ARFGEF3: variants seen among roughly 807,000 people sequenced by gnomAD.
The protein encoded by ARFGEF3 is ARFGEF family member 3.
Under a neutral mutation model 221.7 loss-of-function variants are expected in ARFGEF3, and 96 were observed. The observed-to-expected ratio is 0.43, with a 90% CI of 0.37 to 0.51. The LOEUF is 0.51. Among genes scored for constraint, ARFGEF3 ranks in the 20% least tolerant of loss-of-function variants. ARFGEF3 has a pLI of 0.00. For synonymous variants in ARFGEF3, 1,145 were observed against 1,126.8 expected, an observed-to-expected ratio of 1.02 and a Z score of -0.32; for missense variants, 2,410 against 2,789.9, an observed-to-expected ratio of 0.86 and a Z score of 3.07.
Position 138,280,160 on chromosome 6 carries a change from G to GA in ARFGEF3, c.2458dup (p.Thr820AsnfsTer4). The GA allele has an allele frequency of 6.2e-7, 1 of 1,613,562 alleles. No homozygotes were observed. The highest frequency in any genetic ancestry group is 1.1e-5 in the South Asian group (1 of 90,982). ...ACAGCCTTCCCCTCATCACAATGCT[G>GA]ACCGGTCAGTGGTTCGTTGCAAGGC... On this transcript the variant is annotated frameshift_variant, in exon 14 of 34. Coordinates refer to ENST00000251691, the MANE Select transcript of ARFGEF3 (RefSeq NM_020340.5). LOFTEE classifies it high-confidence loss of function.
At chr6:138,294,785 T>A (rs1198940803) in intron 20 of ARFGEF3, among the ~76,000 whole-genome samples, 1 of 152,188 alleles carries the variant, frequency 6.6e-6, no homozygotes, top group African/African-American at 2.4e-5. Context: ...GCACAAGTGG[T>A]TGTCCTGAAA....
intron 12 of ARFGEF3, among the ~76,000 whole-genome samples, chr6:138,271,553 C>T (rs1469868244): frequency 6.6e-6 from 1 of 152,110 alleles, no homozygotes; most frequent in African/African-American, 2.4e-5. Flanking sequence ...GCACTATTAT[C>T]CTCATTTTAC....
At chr6:138,315,577 C>T (rs1779908493) in intron 26 of ARFGEF3, among the ~76,000 whole-genome samples, 1 of 152,100 alleles carries the variant, frequency 6.6e-6, no homozygotes. Flanking sequence ...TCAGGCCAGG[C>T]GCGGTGGCTC....
Position 138,343,786 on chromosome 6 carries a change from G to A in ARFGEF3, c.*7300G>A, listed in dbSNP as rs1780470138. On this transcript the variant is annotated 3_prime_UTR_variant, in exon 34 of 34. Coordinates refer to ENST00000251691, the MANE Select transcript of ARFGEF3 (RefSeq NM_020340.5). ...ACATTTCTTTCATCTGGTTCTTATT[G>A]GGAGTGCTTCTCTCTAATAAAAATT... 1 of 152,086 alleles carries A rather than the reference G, an allele frequency of 6.6e-6. No individual in the cohort carries two copies. Among genetic ancestry groups the A allele is most frequent in the Non-Finnish European group, 1.5e-5 (1 of 68,022 alleles). 9.4% of individuals were successfully genotyped at this position (152,086 alleles called of 1,614,324 possible). A position where few individuals can be genotyped will look rare whatever the true frequency, so the allele number is the denominator to read the frequency against.
At chr6:138,188,891 G>T (rs117423632) in intron 2 of ARFGEF3, among the ~76,000 whole-genome samples, 2,065 of 152,316 alleles carry the variant, frequency 0.014, 32 homozygotes, top group Middle Eastern at 0.058. Flanking sequence ...TCCTGCCCAA[G>T]GCCTATTTTT....
Position 138,303,860 on chromosome 6 carries a change from CAAAA to C in ARFGEF3, c.3829-3368_3829-3365del, listed in dbSNP as rs140349507. On this transcript the variant is annotated intron_variant, in intron 22 of 33. Coordinates refer to ENST00000251691, the MANE Select transcript of ARFGEF3 (RefSeq NM_020340.5). ...CTGGAGACAGAGTGAGACTCCGTCTCAAAAAAAAAAAAAAAAAAAAAAAAAAAAG... is the reference window on the plus strand; with the variant it reads ...CTGGAGACAGAGTGAGACTCCGTCTCAAAAAAAAAAAAAAAAAAAAAAAAG... 1.2e-3 allele frequency among the ~76,000 whole-genome samples: 25 copies of C among 20,614 alleles called. No individual in the cohort carries two copies. The East Asian group carries it at 0.029, about 24-fold the overall frequency. The allele number at this position is 20,614 out of a possible 152,430, so 13.5% of individuals were successfully genotyped here.
chr6:138,321,059 T>A, intron 28 of ARFGEF3, 52 bp from the exon 29 acceptor site: 1 of 1,021,782 alleles, frequency 9.8e-7, no homozygotes, highest in African/African-American at 1.6e-5. Context: ...CATTTCAATC[T>A]ACCCCTTTAC....
At chr6:138,325,439 G>A (rs1467864216) in intron 31 of ARFGEF3, among the ~76,000 whole-genome samples, 3 of 152,164 alleles carry the variant, frequency 2.0e-5, no homozygotes, top group South Asian at 4.1e-4. Context: ...TGACATCTGG[G>A]ACTTCATGAT....
At chr6:138,314,781 T>C (rs997239510) in intron 26 of ARFGEF3, among the ~76,000 whole-genome samples, 1 of 152,238 alleles carries the variant, frequency 6.6e-6, no homozygotes, top group Admixed American at 6.5e-5. Flanking sequence ...TTTACTGCAC[T>C]TGCCATGAAC....
chr6:138,272,274 G>A (rs1166072711), intron 12 of ARFGEF3, among the ~76,000 whole-genome samples: 2 of 152,158 alleles, frequency 1.3e-5, no homozygotes, highest in Non-Finnish European at 2.9e-5. Context: ...TCCTGCCTCA[G>A]CCTCCTGAGA....
At chr6:138,173,464 A>C (rs183832633) in intron 2 of ARFGEF3, among the ~76,000 whole-genome samples, 6,260 of 152,242 alleles carry the variant, frequency 0.041, 143 homozygotes, top group Middle Eastern at 0.086. Flanking sequence ...GATAAAAGGT[A>C]TGTGGTTCAG....
chr6:138,224,321 C>T (rs769761320), intron 4 of ARFGEF3, among the ~76,000 whole-genome samples: 1 of 152,174 alleles, frequency 6.6e-6, no homozygotes, highest in African/African-American at 2.4e-5. Flanking sequence ...CCATCCACAG[C>T]GAGGTCCTGC....
Position 138,243,968 on chromosome 6 carries a change from T to C in ARFGEF3, c.586+974T>C, listed in dbSNP as rs548643688. Among the ~76,000 whole-genome samples the C allele has an allele frequency of 1.5e-3, 230 of 152,264 alleles. 1 individual carries two copies. The highest frequency in any genetic ancestry group is 2.9e-3 in the Non-Finnish European group (196 of 68,026). On this transcript the variant is annotated intron_variant, in intron 7 of 33. Coordinates refer to ENST00000251691, the MANE Select transcript of ARFGEF3 (RefSeq NM_020340.5). ...TAAGATGTTCCATCTTCCTTTCCTC[T>C]TTTTGGCTATGGTGTTCTCATAAAG... is the stretch of plus-strand genomic sequence containing the variant.
At chr6:138,328,336 G>A (rs978201126) in intron 32 of ARFGEF3, among the ~76,000 whole-genome samples, 194 bp downstream of exon 32, 9 of 152,110 alleles carry the variant, frequency 5.9e-5, no homozygotes, top group Non-Finnish European at 8.8e-5. Flanking sequence ...TAGGTTATCC[G>A]GGCTGCCACA....
intron 12 of ARFGEF3, among the ~76,000 whole-genome samples, chr6:138,272,862 A>G (rs917952513): frequency 2.0e-5 from 3 of 152,252 alleles, no homozygotes; most frequent in Non-Finnish European, 4.4e-5. Context: ...TGTATCTATT[A>G]AACTTAATAT....
Position 138,337,659 on chromosome 6 carries a change from C to A in ARFGEF3, c.*1173C>A. 1 of 152,162 alleles carries A rather than the reference C, an allele frequency of 6.6e-6. No homozygotes were observed. Among genetic ancestry groups the A allele is most frequent in the Non-Finnish European group, 1.5e-5 (1 of 68,010 alleles). The allele number at this position is 152,162 out of a possible 1,614,324, so 9.4% of individuals were successfully genotyped here. A position where few individuals can be genotyped will look rare whatever the true frequency, so the allele number is the denominator to read the frequency against. The stretch of plus-strand genomic sequence containing the variant: ...AAAATTTTGTCGATTTAAAATATTT[C>A]TCCTATCTACCAAGTAAAGTTACCC... On this transcript the variant is annotated 3_prime_UTR_variant, in exon 34 of 34. Transcript: ENST00000251691.
chr6:138,268,752 G>A (rs1361550940), intron 12 of ARFGEF3, among the ~76,000 whole-genome samples: 1 of 152,166 alleles, frequency 6.6e-6, no homozygotes, highest in African/African-American at 2.4e-5. Flanking sequence ...CACTGACTTT[G>A]GATTGCTGTT....
intron 31 of ARFGEF3, among the ~76,000 whole-genome samples, chr6:138,327,353 G>A (rs557913154): frequency 4.3e-4 from 65 of 152,286 alleles, no homozygotes; most frequent in South Asian, 2.1e-3. Context: ...AGGGTTTAAG[G>A]TGGGAGGATC....
chr6:138,265,053 A>G lies in ARFGEF3; in HGVS notation c.2128+1442A>G, dbSNP rs569032391. On this transcript the variant is annotated intron_variant, in intron 12 of 33. Transcript: ENST00000251691. ...CAAGTAGCTGGGACTACAGGCGCCC[A>G]CCACCACACCGGGCTAATTTTTTGT... Among the ~76,000 whole-genome samples, 1,130 of 151,796 alleles carry G rather than the reference A, an allele frequency of 7.4e-3. 5 individuals are homozygous for G. Among genetic ancestry groups the G allele is most frequent in the African/African-American group, 0.018 (727 of 41,420 alleles).
Sources: gnomAD v4.1 joint callset for allele counts (sites outside exome capture counted in the v4.1 genomes callset) on GRCh38, gnomAD v4.1.1 for gene constraint, MANE v1.5 for transcripts, NCBI Gene and HGNC (gene_info 2026-07-23, HGNC 2026-07-21) for gene names.